Variants in USP14 observed in about 807,000 individuals in gnomAD.
USP14 encodes the protein ubiquitin specific peptidase 14, also known as ubiquitin carboxyl-terminal hydrolase 14.
In USP14, 38 loss-of-function variants were observed where a neutral mutation model predicts 76.5. The observed-to-expected ratio is 0.50, with a 90% confidence interval of 0.38 to 0.65. USP14 has a LOEUF of 0.65. USP14 is among the 30% of genes least tolerant of loss of function. The pLI is 0.00. For missense variants in USP14, 467 were observed against 586.5 expected (o/e 0.80, Z 2.10); for synonymous variants, 192 against 191.7 (o/e 1.00, Z -0.01).
At chr18:171,923 A>G (rs1485194732) in intron 3 of USP14, among the ~76,000 whole-genome samples, 2 of 152,258 alleles carry the variant, frequency 1.3e-5, no homozygotes, top group African/African-American at 2.4e-5. Flanking sequence ...ACAACTGCAC[A>G]TGTGGTGTAA....
intron 5 of USP14, among the ~76,000 whole-genome samples, chr18:188,697 A>T (rs888915599): frequency 1.3e-5 from 2 of 151,706 alleles, no homozygotes; most frequent in Non-Finnish European, 2.9e-5. Flanking sequence ...TTTTATTTTG[A>T]GACAGAGTCT....
At chr18:180,149 T>G in intron 4 of USP14, 87 bp from the exon 5 acceptor site, 1 of 633,224 alleles carries the variant, frequency 1.6e-6, no homozygotes, top group Non-Finnish European at 2.5e-6. Context: ...TGATTCAAAA[T>G]GAGAATTTTA....
chr18:203,980 G>A (rs1457163619), intron 12 of USP14, among the ~76,000 whole-genome samples: 3 of 152,080 alleles, frequency 2.0e-5, no homozygotes, highest in Non-Finnish European at 4.4e-5. Context: ...TTGTTGAGTT[G>A]TAGTTCTGCT....
At chr18:207,448 G>A (rs1910560005) in intron 13 of USP14, among the ~76,000 whole-genome samples, 1 of 144,766 alleles carries the variant, frequency 6.9e-6, no homozygotes, top group Non-Finnish European at 1.6e-5. Context: ...GGAGGCCAAG[G>A]TGGGCAGATT....
At chr18:169,915 C>T (rs1909394520) in intron 3 of USP14, among the ~76,000 whole-genome samples, 5 of 152,084 alleles carry the variant, frequency 3.3e-5, no homozygotes, top group Admixed American at 3.3e-4. Context: ...ACAAATGTGT[C>T]TTCTGACAGC....
intron 1 of USP14, 86 bp downstream of exon 1, chr18:158,800 G>A: frequency 3.8e-6 from 5 of 1,302,740 alleles, no homozygotes; most frequent in Non-Finnish European, 4.9e-6. Flanking sequence ...CGGGCACCCG[G>A]CATGGACTGG....
intron 3 of USP14, 33 bp downstream of exon 3, chr18:166,852 GC>G: frequency 6.3e-7 from 1 of 1,590,878 alleles, no homozygotes; most frequent in Non-Finnish European, 8.6e-7. Flanking sequence ...TTATTATAAT[GC>G]AGTAACCTCA....
chr18:160,882 G>T (rs1909099183), intron 1 of USP14, among the ~76,000 whole-genome samples: 1 of 152,038 alleles, frequency 6.6e-6, no homozygotes, highest in African/African-American at 2.4e-5. Flanking sequence ...AGCCTTTCAG[G>T]AATTACACAT....
At chr18:176,478 C>G (rs1055597458) in intron 3 of USP14, among the ~76,000 whole-genome samples, 5 of 152,066 alleles carry the variant, frequency 3.3e-5, no homozygotes. Context: ...CTTTTTCTAG[C>G]TTAAGGTAGA....
At chr18:186,505 C>T (rs1446139437) in intron 5 of USP14, among the ~76,000 whole-genome samples, 1 of 151,982 alleles carries the variant, frequency 6.6e-6, no homozygotes, top group African/African-American at 2.4e-5. Context: ...GTAATCCCAG[C>T]ACTTTGGGAG....
In USP14 at chr18:197,645, G is replaced by A. The variant is rs200800220; in HGVS notation, c.624G>A (p.Met208Ile). ...CTAATGAATGTTGGATACAAATGAT[G>A]CGAGTATTGCAACAGAAATTGGAAG... ...QDANECWIQM[M>I]RVLQQKLEAI... The change falls in exon 8 of 16, where the codon ATG becomes ATA. Residue 208 changes from methionine to isoleucine, a missense_variant. Met to Ile is a conservative substitution (Grantham distance 10). Transcript: ENST00000261601. The A allele has an allele frequency of 6.2e-7, 1 of 1,612,234 alleles. No individual in the cohort carries two copies. The highest frequency in any genetic ancestry group is 1.7e-5 in the Admixed American group (1 of 59,958).
chr18:159,903 C>T (rs1018638871), intron 1 of USP14, among the ~76,000 whole-genome samples: 3 of 152,186 alleles, frequency 2.0e-5, no homozygotes, highest in African/African-American at 7.2e-5. Context: ...AGGTCCCTTC[C>T]TTTGACCTCT....
intron 1 of USP14, chr18:163,053 G>T: frequency 3.5e-6 from 1 of 282,214 alleles, no homozygotes; most frequent in Non-Finnish European, 6.6e-6. Flanking sequence ...TGGGATTACA[G>T]GCGTGAGCCA....
At chr18:186,414 C>A (rs1909930782) in intron 5 of USP14, among the ~76,000 whole-genome samples, 1 of 152,056 alleles carries the variant, frequency 6.6e-6, no homozygotes, top group South Asian at 2.1e-4. Flanking sequence ...TGTGATGATG[C>A]CACTGCACTC....
chr18:211,764 A>C lies in USP14; in HGVS notation c.*480A>C, dbSNP rs1349488810. 6.5e-6 allele frequency: 1 copy of C among 152,806 alleles called. No individual in the cohort carries two copies. The highest frequency in any genetic ancestry group is 1.5e-5 in the Non-Finnish European group (1 of 68,188). 9.5% of individuals were successfully genotyped at this position (152,806 alleles called of 1,614,324 possible). ...AGGTGGAAAAGGAAGTGTTGCTCTCATTGTGTGACTCAGTGCTGCTGTCCA... is the reference window on the plus strand; with the variant it reads ...AGGTGGAAAAGGAAGTGTTGCTCTCCTTGTGTGACTCAGTGCTGCTGTCCA... On this transcript the variant is annotated 3_prime_UTR_variant, in exon 16 of 16. Transcript: ENST00000261601.
At chr18:190,062 G>A (rs1449280143) in intron 5 of USP14, among the ~76,000 whole-genome samples, 1 of 152,156 alleles carries the variant, frequency 6.6e-6, no homozygotes, top group East Asian at 1.9e-4. Context: ...GCTGATGACT[G>A]GGTAATGGGT....
intron 1 of USP14, among the ~76,000 whole-genome samples, chr18:159,979 T>A (rs914702801): frequency 1.3e-5 from 2 of 152,220 alleles, no homozygotes; most frequent in Non-Finnish European, 2.9e-5. Context: ...GAGAACATTT[T>A]AAGTACTATT....
intron 5 of USP14, among the ~76,000 whole-genome samples, chr18:190,514 T>C (rs755017859): frequency 3.3e-5 from 5 of 152,188 alleles, no homozygotes; most frequent in Non-Finnish European, 7.3e-5. Flanking sequence ...GAAACACATA[T>C]ATGAAAGCAT....
Position 158,707 on chromosome 18 carries a change from C to T in USP14, c.9C>T (p.Leu3=), listed in dbSNP as rs1252554349. 1 of 1,536,400 alleles carries T rather than the reference C, an allele frequency of 6.5e-7. No homozygotes were observed. The highest frequency in any genetic ancestry group is 1.2e-5 in the South Asian group (1 of 83,654). The change falls in exon 1 of 16, where the codon CTC becomes CTT. Residue 3 remains leucine (L), a synonymous_variant. Coordinates refer to ENST00000261601, the MANE Select transcript of USP14 (RefSeq NM_005151.4). MP[L]YSVTVKWGKE... is the part of the protein sequence containing the mutation. ...TCCCGCCGCGCCCCGCCATGCCGCT[C>T]TACTCCGGTGAGCCCTGTCCTGGCC...
Sources: allele counts gnomAD v4.1 joint callset (sites outside exome capture counted in the v4.1 genomes callset), GRCh38; gene constraint gnomAD v4.1.1; transcripts MANE v1.5; gene names NCBI Gene and HGNC (gene_info 2026-07-23, HGNC 2026-07-21).